Variants in NGDN observed in about 807,000 individuals in gnomAD.
The protein encoded by NGDN is neuroguidin.
A neutral mutation model predicts 45.2 loss-of-function variants in NGDN; 41 were observed. The ratio of observed to expected loss-of-function variants is 0.91; its 90% CI spans 0.71 to 1.18. The LOEUF is 1.18. NGDN is among the 50% of genes most tolerant of loss of function. The pLI, the probability that NGDN is intolerant of heterozygous loss-of-function variation, is 0.00. For synonymous variants in NGDN, 137 were observed against 130.9 expected (o/e 1.05, Z -0.32); for missense variants, 402 against 399.9 (o/e 1.01, Z -0.05).
At chr14:23,472,047 C>A (rs1239300827) in intron 3 of NGDN, among the ~76,000 whole-genome samples, 3 of 149,476 alleles carry the variant, frequency 2.0e-5, no homozygotes, top group Non-Finnish European at 4.5e-5. Flanking sequence ...TAGCTGGGCG[C>A]AGTGGTGTGT....
Position 23,469,728 on chromosome 14 carries a change from G to T in NGDN, c.12+1G>T. 1 of 1,614,180 alleles carries T rather than the reference G, an allele frequency of 6.2e-7. No homozygotes were observed. Reference sequence around the variant, plus strand: ...GGGCTTTGCGAAGATGGCGGCGCTGGTGAGTTTGGTGTGGTTTCTTCCTCG... The same window carrying T: ...GGGCTTTGCGAAGATGGCGGCGCTGTTGAGTTTGGTGTGGTTTCTTCCTCG... On this transcript the variant is annotated splice_donor_variant, in intron 1 of 10. Transcript: ENST00000408901. LOFTEE classifies it high-confidence loss of function.
chr14:23,475,776 A>G lies in NGDN; in HGVS notation c.418A>G (p.Lys140Glu), dbSNP rs1174696383. ...GCCTCATCCCAGCAATATGATGAGC[A>G]AGGTAAGGGGTTGTAGTATTCTCCT... ...FKPHPSNMMS[K>E]LSSEDEEEDE... Residue 140 changes from lysine (K) to glutamate (E), a missense_variant and splice_region_variant, in exon 6 of 11, where the codon AAG becomes GAG. Transcript: ENST00000408901. The G allele has an allele frequency of 6.2e-7, 1 of 1,612,656 alleles. No individual in the cohort carries two copies. Among genetic ancestry groups the G allele is most frequent in the Non-Finnish European group, 8.5e-7 (1 of 1,179,864 alleles).
intron 3 of NGDN, among the ~76,000 whole-genome samples, chr14:23,473,943 C>T (rs1893840252): frequency 6.7e-6 from 1 of 148,548 alleles, no homozygotes; most frequent in African/African-American, 2.5e-5. Flanking sequence ...GATGCTGAGG[C>T]AGAAGAATCA....
In NGDN at chr14:23,475,262, C is replaced by G. The variant is rs990526186; in HGVS notation, c.236C>G (p.Ser79Cys). 19 of 1,614,050 alleles carry G rather than the reference C, an allele frequency of 1.2e-5. No individual in the cohort carries two copies. In the East Asian group the frequency reaches 3.1e-4, roughly 27 times the overall value. The change falls in exon 4 of 11, where the codon TCT becomes TGT. Residue 79 changes from serine to cysteine, a missense_variant. Transcript: ENST00000408901. ...HLILDKASGG[S>C]LQGHDAVLRL... ...ATTCTGGACAAAGCCTCAGGAGGAT[C>G]TCTTCAGGGACATGATGCAGTTTTG...
rs368023888 is a variant in NGDN at position 23,477,156 on chromosome 14, A to G, written c.714-44A>G. On this transcript the variant is annotated intron_variant, in intron 8 of 10. Transcript: ENST00000408901. ...CCCAGGTTGTGGGCTGGAGCTTTCC[A>G]TCTCCATGGTCTGAGCCTGCTGGAA... 3.7e-6 allele frequency: 6 copies of G among 1,604,688 alleles called. No individual in the cohort carries two copies. In the African/African-American group the frequency reaches 5.4e-5, roughly 14 times the overall value.
chr14:23,469,712 G>GA lies in NGDN; in HGVS notation c.-2dup, dbSNP rs764832950. The GA allele has an allele frequency of 3.7e-6, 6 of 1,614,192 alleles. No individual in the cohort carries two copies. Among genetic ancestry groups the GA allele is most frequent in the East Asian group, 4.5e-5 (2 of 44,874 alleles). ...CGACACCGGAAGGGGTGGGCTTTGCGAAGATGGCGGCGCTGGTGAGTTTGG... is the reference window on the plus strand; with the variant it reads ...CGACACCGGAAGGGGTGGGCTTTGCGAAAGATGGCGGCGCTGGTGAGTTTGG... On this transcript the variant is annotated 5_prime_UTR_variant, in exon 1 of 11. Coordinates refer to ENST00000408901, the MANE Select transcript of NGDN (RefSeq NM_001042635.2).
At chr14:23,477,840 C>T in intron 10 of NGDN, 167 bp from the exon 11 acceptor site, 1 of 1,490,266 alleles carries the variant, frequency 6.7e-7, no homozygotes. Flanking sequence ...ACCATTATCC[C>T]ATTTCAATTT....
Position 23,476,176 on chromosome 14 carries a change from C to T in NGDN, c.544+24C>T, listed in dbSNP as rs760047865. On this transcript the variant is annotated intron_variant, in intron 7 of 10. Transcript: ENST00000408901. Reference sequence around the variant, plus strand: ...TGGTATAAACTTTGGCTGCTGCCTCCTCAGCATGAACTGTTTCTCTTTTCT... The same window carrying T: ...TGGTATAAACTTTGGCTGCTGCCTCTTCAGCATGAACTGTTTCTCTTTTCT... 43 of 1,614,104 alleles carry T rather than the reference C, an allele frequency of 2.7e-5. No individual in the cohort carries two copies. The Middle Eastern group carries it at 8.3e-4, about 31-fold the overall frequency.
intron 2 of NGDN, 101 bp downstream of exon 2, chr14:23,470,202 A>G (rs1893742354): frequency 4.0e-6 from 4 of 989,226 alleles, no homozygotes; most frequent in Non-Finnish European, 4.8e-6. Context: ...AATGCTTCCA[A>G]AAACCTTAGA....
rs370110638 is a variant in NGDN, at chr14:23,476,013, A to G, written c.421-16A>G. 1.2e-5 allele frequency: 20 copies of G among 1,613,868 alleles called. No homozygotes were observed. The highest frequency in any genetic ancestry group is 1.7e-5 in the Admixed American group (1 of 59,990). ...ATGAATGCTTCCTAAATTTGCAGACATTGTTTCTTTTGTAGTTGAGCTCTG... is the reference window on the plus strand; with the variant it reads ...ATGAATGCTTCCTAAATTTGCAGACGTTGTTTCTTTTGTAGTTGAGCTCTG... On this transcript the variant is annotated splice_polypyrimidine_tract_variant and intron_variant, in intron 6 of 10. Transcript: ENST00000408901.
chr14:23,478,025 G>A lies in NGDN; in HGVS notation c.947G>A (p.Ter316=), dbSNP rs149001465. 0.015 allele frequency: 24,764 copies of A among 1,613,626 alleles called. 205 individuals carry two copies. The highest frequency in any genetic ancestry group is 0.019 in the Non-Finnish European group (22,079 of 1,179,634). Residue 316 remains the stop codon, a stop_retained_variant, in exon 11 of 11, where the codon TGA becomes TAA. Transcript: ENST00000408901. ...RKKKGFRRRR[*] ...CTTTCAGGTTTTCGGAGGCGGCGGT[G>A]ATTATGGGTGTACATATTTGTATAT...
intron 3 of NGDN, 143 bp downstream of exon 3, chr14:23,471,120 G>A: frequency 8.0e-6 from 4 of 498,816 alleles, no homozygotes; most frequent in South Asian, 4.1e-5. Context: ...AAGTCTAGAG[G>A]GAAGACAAAG....
chr14:23,471,015 A>G, intron 3 of NGDN, 38 bp downstream of exon 3: 1 of 1,348,644 alleles, frequency 7.4e-7, no homozygotes, highest in South Asian at 1.4e-5. Flanking sequence ...CCCTGACTTA[A>G]TGTTCTCAGT....
intron 9 of NGDN, 71 bp from the exon 10 acceptor site, chr14:23,477,432 G>A (rs1893929910): frequency 2.5e-6 from 4 of 1,612,310 alleles, no homozygotes; most frequent in Non-Finnish European, 2.5e-6. Context: ...TTATTACCAT[G>A]AGGAACTTGG....
At chr14:23,475,896 T>C in intron 6 of NGDN, 118 bp downstream of exon 6, 1 of 1,460,836 alleles carries the variant, frequency 6.8e-7, no homozygotes, top group Non-Finnish European at 9.4e-7. Flanking sequence ...ACTTGTGTGT[T>C]AGAATGCTGA....
intron 1 of NGDN, 30 bp from the exon 2 acceptor site, chr14:23,470,011 CT>C (rs1264287844): frequency 6.2e-7 from 1 of 1,609,846 alleles, no homozygotes; most frequent in Admixed American, 1.7e-5. Context: ...GAAAGAATGA[CT>C]TTTCTTTACG....
Position 23,476,132 on chromosome 14 carries a change from G to T in NGDN, c.524G>T (p.Arg175Leu), listed in dbSNP as rs540927380. The T allele has an allele frequency of 6.8e-6, 11 of 1,614,142 alleles. No individual in the cohort carries two copies. The African/African-American group carries it at 1.2e-4, about 18-fold the overall frequency. ...GTGTCTAAGAAATATGTTCCTCCAC[G>T]CTTGGTTCCAGTACATTATGGTATA... ...KGVSKKYVPP[R>L]LVPVHYDETE... Residue 175 changes from arginine (R) to leucine (L), a missense_variant, in exon 7 of 11, where the codon CGC becomes CTC. Coordinates refer to ENST00000408901, the MANE Select transcript of NGDN (RefSeq NM_001042635.2).
chr14:23,475,680 C>A lies in NGDN; in HGVS notation c.367+38C>A, dbSNP rs201699854. ...ACCATCATGAAGTTGTGGGGACCAT[C>A]AGAAAGTTCCAAATTTTGTAAAATT... is the stretch of plus-strand genomic sequence containing the variant. On this transcript the variant is annotated intron_variant, in intron 5 of 10. Transcript: ENST00000408901. 2.4e-5 allele frequency: 38 copies of A among 1,613,478 alleles called. No individual in the cohort carries two copies. The South Asian group carries it at 4.1e-4, about 17-fold the overall frequency.
In NGDN at chr14:23,477,247, G is replaced by A. The variant is rs1343196368; in HGVS notation, c.761G>A (p.Arg254Gln). 6 of 1,614,158 alleles carry A rather than the reference G, an allele frequency of 3.7e-6. No individual in the cohort carries two copies. The highest frequency in any genetic ancestry group is 2.2e-5 in the East Asian group (1 of 44,878). ...ATGGTGCGTTTGAGCGTCAGTAAGC[G>A]AGAGAAAGGACGGCGAAAACGAGCA... is the stretch of plus-strand genomic sequence containing the variant. Reference protein sequence around the residue: ...SMMVRLSVSKREKGRRKRANV... With the variant: ...SMMVRLSVSKQEKGRRKRANV... The change falls in exon 9 of 11, where the codon CGA (arginine) becomes CAA (glutamine). Residue 254 changes from arginine (R) to glutamine (Q), a missense_variant. Coordinates refer to ENST00000408901, the MANE Select transcript of NGDN (RefSeq NM_001042635.2).
Sources: gnomAD v4.1 joint callset for allele counts (sites outside exome capture counted in the v4.1 genomes callset) on GRCh38, gnomAD v4.1.1 for gene constraint, MANE v1.5 for transcripts, NCBI Gene and HGNC (gene_info 2026-07-23, HGNC 2026-07-21) for gene names.